The following USH2A variants were observed in gnomAD, a reference collection of about 807,000 sequenced individuals.
USH2A encodes the protein Usher syndrome 2A (autosomal recessive, mild).
A neutral mutation model predicts 538.9 loss-of-function variants in USH2A; 443 were observed. That is an observed-to-expected ratio of 0.82 (90% CI 0.76 to 0.89). The LOEUF (loss-of-function observed/expected upper bound fraction) is 0.89, where lower values mean the gene tolerates loss of function less well. Ranked by LOEUF, USH2A falls within the 40% of genes least tolerant of loss-of-function variation. The pLI is 0.00. For missense variants in USH2A, 6,633 were observed against 6,324.8 expected (o/e 1.05, Z -1.65); for synonymous variants, 2,413 against 2,273.5 (o/e 1.06, Z -1.75).
chr1:216,059,783 T>C (rs1224148393), intron 30 of USH2A, among the ~76,000 whole-genome samples: 1 of 152,186 alleles, frequency 6.6e-6, no homozygotes, highest in Non-Finnish European at 1.5e-5. Flanking sequence ...TTTGTTGTTG[T>C]TGTTGTTGTT....
At chr1:216,325,989 T>A (rs927656131) in intron 5 of USH2A, among the ~76,000 whole-genome samples, 2 of 152,168 alleles carry the variant, frequency 1.3e-5, no homozygotes, top group Non-Finnish European at 1.5e-5. Context: ...TGGAGAACAA[T>A]GAGAGTTATA....
At chr1:215,951,472 A>C (rs1666909142) in intron 37 of USH2A, among the ~76,000 whole-genome samples, 1 of 152,190 alleles carries the variant, frequency 6.6e-6, no homozygotes, top group African/African-American at 2.4e-5. Context: ...CTTTACTTCC[A>C]ACTATGTGGT....
At chr1:216,285,020 A>T (rs915498732) in intron 11 of USH2A, among the ~76,000 whole-genome samples, 8 of 152,234 alleles carry the variant, frequency 5.3e-5, no homozygotes, top group African/African-American at 1.9e-4. Context: ...GCAGAGCATA[A>T]AAGTTTGAAA....
At chr1:216,162,046 A>G (rs1388057641) in intron 21 of USH2A, among the ~76,000 whole-genome samples, 3 of 151,914 alleles carry the variant, frequency 2.0e-5, no homozygotes, top group Non-Finnish European at 4.4e-5. Context: ...TGCCCTCCTT[A>G]TGGTTTGCTA....
intron 49 of USH2A, among the ~76,000 whole-genome samples, chr1:215,811,389 T>C (rs1361359531): frequency 6.6e-6 from 1 of 152,128 alleles, no homozygotes; most frequent in Non-Finnish European, 1.5e-5. Flanking sequence ...GTTCAACGTA[T>C]TTTTCACACT....
At chr1:216,174,452 C>G in intron 21 of USH2A, 1 of 985,240 alleles carries the variant, frequency 1.0e-6, no homozygotes, top group Non-Finnish European at 1.2e-6. Context: ...ACTAGTAAGG[C>G]CAGGAGGAGG....
chr1:215,790,417 C>T, intron 50 of USH2A, 135 bp from the exon 51 acceptor site: 1 of 890,942 alleles, frequency 1.1e-6, no homozygotes, highest in Non-Finnish European at 1.8e-6. Context: ...TAGCATTTCC[C>T]TACCAAGGTG....
chr1:216,335,234 C>G (rs1363568313), intron 4 of USH2A, among the ~76,000 whole-genome samples: 2 of 151,440 alleles, frequency 1.3e-5, no homozygotes, highest in African/African-American at 4.8e-5. Context: ...ATTTAAAAAT[C>G]CTTTGAGATT....
chr1:215,809,154 T>G (rs1662586696), intron 49 of USH2A, among the ~76,000 whole-genome samples: 1 of 152,302 alleles, frequency 6.6e-6, no homozygotes, highest in East Asian at 1.9e-4. Context: ...AAAATAATTC[T>G]ATTTCGTCTG....
At chr1:216,244,034 G>C (rs187135702) in intron 13 of USH2A, among the ~76,000 whole-genome samples, 98 of 144,056 alleles carry the variant, frequency 6.8e-4, no homozygotes, top group Non-Finnish European at 1.2e-3. Flanking sequence ...TTTTCTATAG[G>C]TTTGAGTTAA....
At chr1:216,251,469 G>A (rs1403971501) in intron 11 of USH2A, among the ~76,000 whole-genome samples, 4 of 2,626 alleles carry the variant, frequency 1.5e-3, no homozygotes, top group African/African-American at 2.8e-3. Flanking sequence ...TTTTTTTTTT[G>A]AGATGGAGTC....
At chr1:215,844,590 G>T in intron 45 of USH2A, 94 bp from the exon 46 acceptor site, 9 of 1,325,214 alleles carry the variant, frequency 6.8e-6, no homozygotes, top group Non-Finnish European at 9.5e-6. Context: ...TTTAGCAAAG[G>T]GTTCCTCGCT....
intron 21 of USH2A, among the ~76,000 whole-genome samples, chr1:216,146,044 G>T (rs1397985978): frequency 2.0e-5 from 3 of 152,154 alleles, no homozygotes; most frequent in African/African-American, 7.2e-5. Context: ...TCACACGGAC[G>T]CGCATGAAAT....
chr1:216,257,288 T>A (rs1192070130), intron 11 of USH2A, among the ~76,000 whole-genome samples: 1 of 151,958 alleles, frequency 6.6e-6, no homozygotes, highest in Non-Finnish European at 1.5e-5. Flanking sequence ...TAGATATCTT[T>A]ACTAGATATA....
chr1:215,759,785 C>G lies in USH2A; in HGVS notation c.11106G>C (p.Trp3702Cys). The change falls in exon 57 of 72, where the codon TGG becomes TGC. Residue 3702 changes from tryptophan to cysteine, a missense_variant. Coordinates refer to ENST00000307340, the MANE Select transcript of USH2A (RefSeq NM_206933.4). Reference protein sequence around the residue: ...IINSTTVELYWSLPEKPNGLV... With the variant: ...IINSTTVELYCSLPEKPNGLV... ...GGCCATTGGGCTTTTCTGGCAGACTCCAATATAATTCCACTGTTGTAGAAT... is the reference window on the plus strand; with the variant it reads ...GGCCATTGGGCTTTTCTGGCAGACTGCAATATAATTCCACTGTTGTAGAAT... 1 of 1,614,000 alleles carries G rather than the reference C, an allele frequency of 6.2e-7. No homozygotes were observed. Among genetic ancestry groups the G allele is most frequent in the Non-Finnish European group, 8.5e-7 (1 of 1,179,944 alleles).
At chr1:216,277,412 C>T (rs1182429444) in intron 11 of USH2A, among the ~76,000 whole-genome samples, 1 of 152,110 alleles carries the variant, frequency 6.6e-6, no homozygotes. Context: ...ACAGGTGCAT[C>T]TACCAATATT....
At chr1:215,909,372 C>G (rs1258423752) in intron 38 of USH2A, among the ~76,000 whole-genome samples, 3 of 151,790 alleles carry the variant, frequency 2.0e-5, no homozygotes, top group Non-Finnish European at 4.4e-5. Context: ...ATGGTAAGTA[C>G]ATGTCATTAT....
intron 60 of USH2A, 115 bp downstream of exon 60, chr1:215,741,260 A>G: frequency 7.7e-7 from 1 of 1,302,264 alleles, no homozygotes; most frequent in Non-Finnish European, 1.1e-6. Flanking sequence ...AAAAAAAAAC[A>G]CAACATGAAT....
In USH2A at chr1:216,353,547, G is replaced by A. The variant is rs1416556431; in HGVS notation, c.784+11406C>T. Among the ~76,000 whole-genome samples, 25 of 152,106 alleles carry A rather than the reference G, an allele frequency of 1.6e-4. 1 individual carries two copies. Among genetic ancestry groups the A allele is most frequent in the Non-Finnish European group, 1.5e-5 (1 of 68,020 alleles). On this transcript the variant is annotated intron_variant, in intron 4 of 71. Transcript: ENST00000307340. Reference sequence around the variant, plus strand: ...AAATCCCCATGAAAAATTAGAGGAGGTAATTAAAACGTCGATGCCTGAATT... The same window carrying A: ...AAATCCCCATGAAAAATTAGAGGAGATAATTAAAACGTCGATGCCTGAATT...
Sources: allele counts gnomAD v4.1 joint callset (sites outside exome capture counted in the v4.1 genomes callset), GRCh38; gene constraint gnomAD v4.1.1; transcripts MANE v1.5; gene names NCBI Gene and HGNC (gene_info 2026-07-23, HGNC 2026-07-21).